The following IFT88 variants were observed in gnomAD, a reference collection of about 807,000 sequenced individuals.
IFT88 encodes the protein intraflagellar transport 88.
Under a neutral mutation model 119.5 loss-of-function variants are expected in IFT88, and 74 were observed. The observed-to-expected ratio is 0.62, with a 90% CI of 0.51 to 0.75. The LOEUF (loss-of-function observed/expected upper bound fraction) is 0.75. IFT88 is among the 30% of genes least tolerant of loss of function. IFT88 has a pLI of 0.00. For missense variants in IFT88, 961 were observed against 977.7 expected (o/e 0.98, Z 0.23); for synonymous variants, 279 against 316.7 (o/e 0.88, Z 1.26).
At chr13:20,679,111 G>C (rs543335288) in intron 24 of IFT88, among the ~76,000 whole-genome samples, 1 of 152,014 alleles carries the variant, frequency 6.6e-6, no homozygotes, top group African/African-American at 2.4e-5. Flanking sequence ...TTTCCCACTC[G>C]TGCTCTGTTT....
Position 20,644,884 on chromosome 13 carries a change from G to A in IFT88, c.1875G>A (p.Trp625Ter), listed in dbSNP as rs1009279123. The change falls in exon 20 of 26, where the codon TGG becomes TGA. Residue 625 changes from tryptophan (W) to a stop codon, truncating the protein, a stop_gained. Transcript: ENST00000351808. LOFTEE classifies it high-confidence loss of function. Reference sequence around the variant, plus strand: ...CTTGTAATATTGAAGTCATTGAGTGGCTTGGAGCCTATTACATTGACACCC... The same window carrying A: ...CTTGTAATATTGAAGTCATTGAGTGACTTGGAGCCTATTACATTGACACCC... Reference protein sequence around the residue: ...YFPCNIEVIEWLGAYYIDTQF... With the variant: ...YFPCNIEVIE 6.2e-7 allele frequency: 1 copy of A among 1,602,464 alleles called. No homozygotes were observed.
intron 1 of IFT88, among the ~76,000 whole-genome samples, chr13:20,569,754 C>T (rs972466111): frequency 5.3e-5 from 8 of 151,450 alleles, no homozygotes; most frequent in African/African-American, 9.7e-5. Context: ...GCTGGCCGGG[C>T]GCGGTGGTTC....
chr13:20,583,360 C>G (rs909963172), intron 3 of IFT88, among the ~76,000 whole-genome samples: 6 of 152,116 alleles, frequency 3.9e-5, no homozygotes, highest in African/African-American at 1.4e-4. Context: ...GTATAATGTC[C>G]TCAAGGTTCA....
chr13:20,624,165 T>C (rs1375827043), intron 14 of IFT88, among the ~76,000 whole-genome samples: 2 of 152,206 alleles, frequency 1.3e-5, no homozygotes, highest in Non-Finnish European at 2.9e-5. Context: ...TCTGCTGTTG[T>C]TGGGGATAAC....
At chr13:20,664,875 C>T (rs936108883) in intron 23 of IFT88, among the ~76,000 whole-genome samples, 49 of 152,134 alleles carry the variant, frequency 3.2e-4, no homozygotes, top group African/African-American at 8.7e-4. Flanking sequence ...GTCAGGAGAT[C>T]GAGACCATCC....
intron 2 of IFT88, among the ~76,000 whole-genome samples, chr13:20,579,596 A>G (rs1288004785): frequency 6.6e-6 from 1 of 152,178 alleles, no homozygotes; most frequent in East Asian, 1.9e-4. Flanking sequence ...CCCAAGAGCC[A>G]AGGCCTGGAA....
chr13:20,653,032 A>G (rs2052051152), intron 20 of IFT88, among the ~76,000 whole-genome samples: 1 of 152,214 alleles, frequency 6.6e-6, no homozygotes, highest in Non-Finnish European at 1.5e-5. Flanking sequence ...CTGGGTTAGA[A>G]TCTTGGATTT....
intron 15 of IFT88, 63 bp from the exon 16 acceptor site, chr13:20,630,953 C>T (rs541679350): frequency 2.5e-5 from 27 of 1,069,468 alleles, no homozygotes; most frequent in East Asian, 7.2e-5. Context: ...ATCTTTTCCC[C>T]GACCATAAGC....
intron 2 of IFT88, among the ~76,000 whole-genome samples, chr13:20,581,963 T>G: frequency 6.6e-6 from 1 of 152,232 alleles, no homozygotes; most frequent in East Asian, 1.9e-4. Flanking sequence ...AAACATTTTA[T>G]TTTGATTATT....
At chr13:20,663,663 A>T (rs1223559278) in intron 23 of IFT88, 59 bp downstream of exon 23, 1 of 1,208,140 alleles carries the variant, frequency 8.3e-7, no homozygotes, top group Non-Finnish European at 1.2e-6. Context: ...AGCCTTCTAT[A>T]GCTCAAATGT....
At chr13:20,588,331 T>C (rs1024175800) in intron 3 of IFT88, among the ~76,000 whole-genome samples, 2 of 152,142 alleles carry the variant, frequency 1.3e-5, no homozygotes, top group Non-Finnish European at 2.9e-5. Context: ...TTATTGATCA[T>C]GTTAAGCATA....
At chr13:20,613,821 T>C (rs1296229909) in intron 13 of IFT88, among the ~76,000 whole-genome samples, 1 of 152,060 alleles carries the variant, frequency 6.6e-6, no homozygotes, top group African/African-American at 2.4e-5. Context: ...TTGAATGCAA[T>C]TGCTTTTGCA....
At chr13:20,685,213 GCTATTGT>G (rs1338939329) in intron 24 of IFT88, among the ~76,000 whole-genome samples, 1 of 152,300 alleles carries the variant, frequency 6.6e-6, no homozygotes, top group East Asian at 1.9e-4. Context: ...GGCTGCTCCT[GCTATTGT>G]TTATGGCTAG....
chr13:20,659,823 T>C (rs748022825), intron 22 of IFT88, among the ~76,000 whole-genome samples: 2 of 152,124 alleles, frequency 1.3e-5, no homozygotes, highest in Non-Finnish European at 2.9e-5. Context: ...TTTGTAGTTT[T>C]AGTAGGGATG....
intron 19 of IFT88, among the ~76,000 whole-genome samples, chr13:20,644,329 C>T (rs1000896751): frequency 6.6e-6 from 1 of 152,006 alleles, no homozygotes; most frequent in African/African-American, 2.4e-5. Flanking sequence ...AGGAAACCCC[C>T]TCTCTACTAA....
chr13:20,578,775 C>G (rs2037979289), intron 2 of IFT88, among the ~76,000 whole-genome samples: 2 of 152,082 alleles, frequency 1.3e-5, no homozygotes, highest in Non-Finnish European at 2.9e-5. Flanking sequence ...TCTTGAACTG[C>G]TGACCTCAGA....
chr13:20,631,131 C>T (rs1458912927), intron 16 of IFT88, 29 bp downstream of exon 16: 3 of 1,337,748 alleles, frequency 2.2e-6, no homozygotes, highest in Non-Finnish European at 3.2e-6. Flanking sequence ...AAGAGTTAAT[C>T]ATATGCTATT....
chr13:20,674,294 A>T lies in IFT88; in HGVS notation c.2242+3255A>T, dbSNP rs2056336788. Among the ~76,000 whole-genome samples the T allele has an allele frequency of 2.0e-5, 3 of 152,328 alleles. No homozygotes were observed. The South Asian group carries it at 6.2e-4, about 32-fold the overall frequency. On this transcript the variant is annotated intron_variant, in intron 24 of 25. Coordinates refer to ENST00000351808, the MANE Select transcript of IFT88 (RefSeq NM_006531.5). ...ATAAACTGATGAGGGGAATAACTATATTCTGTCCATTGTTTTGGTTGAATT... is the reference window on the plus strand; with the variant it reads ...ATAAACTGATGAGGGGAATAACTATTTTCTGTCCATTGTTTTGGTTGAATT...
chr13:20,636,414 C>T (rs990683778), intron 16 of IFT88, among the ~76,000 whole-genome samples: 4 of 152,200 alleles, frequency 2.6e-5, no homozygotes, highest in South Asian at 2.1e-4. Context: ...TAAATTCTAC[C>T]TGCAAACTAA....
Sources: allele counts gnomAD v4.1 joint callset (sites outside exome capture counted in the v4.1 genomes callset), GRCh38; gene constraint gnomAD v4.1.1; transcripts MANE v1.5; gene names NCBI Gene and HGNC (gene_info 2026-07-23, HGNC 2026-07-21).